The following TIAM2 variants were observed in gnomAD, a reference collection of about 807,000 sequenced individuals.
TIAM2 encodes the protein TIAM Rac1 associated GEF 2.
A neutral mutation model predicts 152.9 loss-of-function variants in TIAM2; 80 were observed. That is an observed-to-expected ratio of 0.52 (90% CI 0.44 to 0.63). The LOEUF is 0.63. Among genes scored for constraint, TIAM2 ranks in the 30% least tolerant of loss-of-function variants. The pLI is 0.00. For synonymous variants in TIAM2, 804 were observed against 838.0 expected (o/e 0.96, Z 0.70); for missense variants, 1,965 against 2,120.1 (o/e 0.93, Z 1.44).
intron 19 of TIAM2, 24 bp downstream of exon 19, chr6:155,245,755 G>GTTTTTTTTTTTTTTTTTTTGTTT (rs11435976): frequency 1.1e-6 from 1 of 920,100 alleles, no homozygotes; most frequent in Non-Finnish European, 1.5e-6. Flanking sequence ...GCCTTTTATA[G>GTTTTTTTTTTTTTTTTTTTGTTT]TTTTTTTTTT....
Position 155,130,272 on chromosome 6 carries a change from C to T in TIAM2, c.1049C>T (p.Pro350Leu), listed in dbSNP as rs1467561906. 2 of 1,614,084 alleles carry T rather than the reference C, an allele frequency of 1.2e-6. No individual in the cohort carries two copies. The highest frequency in any genetic ancestry group is 1.7e-6 in the Non-Finnish European group (2 of 1,180,050). Residue 350 changes from proline (P) to leucine (L), a missense_variant, in exon 4 of 27, where the codon CCC becomes CTC. Pro to Leu is a moderately conservative substitution (Grantham distance 98). Around this residue, in one of 3 missense-constraint regions of TIAM2, gnomAD observed 1,025 missense variants for 1,119.4 expected, o/e 0.92. Transcript: ENST00000682666. The part of the protein sequence containing the change: ...DVPSRVAHGD[P>L]IQYSSFTLPC... ...CCCTCCAGAGTGGCACACGGGGACC[C>T]CATCCAGTACAGTTCCTTCACTCTC...
At chr6:155,139,416 A>G in intron 5 of TIAM2, among the ~76,000 whole-genome samples, 1 of 152,142 alleles carries the variant, frequency 6.6e-6, no homozygotes, top group East Asian at 1.9e-4. Flanking sequence ...CCATCCCTAG[A>G]TTTGGATGCT....
At chr6:155,163,966 G>GTT (rs35722028) in intron 7 of TIAM2, among the ~76,000 whole-genome samples, 4 of 145,726 alleles carry the variant, frequency 2.7e-5, no homozygotes, top group South Asian at 2.1e-4. Context: ...AGTGCATTTT[G>GTT]TTTTTTTTTT....
intron 6 of TIAM2, among the ~76,000 whole-genome samples, chr6:155,145,088 C>G (rs960720358): frequency 2.0e-5 from 3 of 152,060 alleles, no homozygotes; most frequent in Non-Finnish European, 2.9e-5. Context: ...ATCTAGTGAG[C>G]GCAATGGTCA....
chr6:155,014,074 T>G (rs1778534256), intron 1 of TIAM2: 1 of 152,216 alleles, frequency 6.6e-6, no homozygotes, highest in East Asian at 1.9e-4. Context: ...GTTATTTTCT[T>G]TGCTTTCACA....
intron 1 of TIAM2, among the ~76,000 whole-genome samples, chr6:155,063,792 A>T (rs1777636420): frequency 6.6e-6 from 1 of 151,748 alleles, no homozygotes. Flanking sequence ...AAAAAAAAAA[A>T]AAAAAAAAAA....
chr6:155,182,027 T>A (rs1780914202), intron 12 of TIAM2, among the ~76,000 whole-genome samples, 199 bp from the exon 13 acceptor site: 1 of 152,380 alleles, frequency 6.6e-6, no homozygotes, highest in South Asian at 2.1e-4. Flanking sequence ...TATGTTTTTA[T>A]ATTTCTTAAG....
intron 2 of TIAM2, among the ~76,000 whole-genome samples, chr6:155,119,835 CACACAAGAATTTAGTTTCATGAAACAA>C (rs1381696827): frequency 6.6e-6 from 1 of 152,186 alleles, no homozygotes; most frequent in Non-Finnish European, 1.5e-5. Flanking sequence ...CACACAAGCA[CACACAAGAATTTAGTTTCATGAAACAA>C]ATTTTACTCT....
intron 1 of TIAM2, among the ~76,000 whole-genome samples, chr6:155,039,772 C>T (rs1296744881): frequency 6.6e-6 from 1 of 152,126 alleles, no homozygotes; most frequent in East Asian, 1.9e-4. Flanking sequence ...TTGTCTCTTC[C>T]TAAATAAGAG....
chr6:155,225,082 T>C (rs115809308), intron 15 of TIAM2, among the ~76,000 whole-genome samples: 2,793 of 152,260 alleles, frequency 0.018, 95 homozygotes, highest in African/African-American at 0.063. Context: ...CAGCCTCGCA[T>C]GTAGCTGGGA....
chr6:155,029,419 AT>A (rs1776748811), intron 1 of TIAM2, among the ~76,000 whole-genome samples: 1 of 79,152 alleles, frequency 1.3e-5, no homozygotes, highest in African/African-American at 5.0e-5. Context: ...AATATATACT[AT>A]ATATACTATA....
chr6:155,149,670 C>T (rs987636294), intron 7 of TIAM2, among the ~76,000 whole-genome samples: 6 of 152,010 alleles, frequency 3.9e-5, no homozygotes, highest in African/African-American at 1.4e-4. Context: ...CGCCTATAAT[C>T]CCGGCGCTTT....
intron 7 of TIAM2, among the ~76,000 whole-genome samples, 154 bp downstream of exon 7, chr6:155,148,488 AG>A (rs1484961430): frequency 6.6e-6 from 1 of 152,116 alleles, no homozygotes; most frequent in African/African-American, 2.4e-5. Context: ...TTTTCATTTT[AG>A]GTACCTAATG....
At chr6:155,096,929 C>G (rs1338765719) in intron 2 of TIAM2, among the ~76,000 whole-genome samples, 1 of 152,148 alleles carries the variant, frequency 6.6e-6, no homozygotes, top group African/African-American at 2.4e-5. Context: ...AACTCCAAAC[C>G]GTTCTCCATA....
chr6:155,050,163 A>T (rs902271455), intron 1 of TIAM2, among the ~76,000 whole-genome samples: 2 of 152,094 alleles, frequency 1.3e-5, no homozygotes, highest in African/African-American at 2.4e-5. Context: ...CAGTATTGGC[A>T]TGGGATTACT....
intron 2 of TIAM2, among the ~76,000 whole-genome samples, chr6:155,105,802 T>A (rs1342116347): frequency 6.6e-6 from 1 of 151,984 alleles, no homozygotes. Flanking sequence ...TCTTGCCACA[T>A]GTTTGTCCGG....
intron 16 of TIAM2, among the ~76,000 whole-genome samples, chr6:155,241,614 T>G (rs569887684): frequency 8.0e-4 from 122 of 152,344 alleles, no homozygotes; most frequent in African/African-American, 2.8e-3. Context: ...TTCCCCCTTT[T>G]GTTGATGTCG....
chr6:155,195,838 G>C (rs1051399099), intron 14 of TIAM2, among the ~76,000 whole-genome samples: 1 of 152,242 alleles, frequency 6.6e-6, no homozygotes, highest in Non-Finnish European at 1.5e-5. Flanking sequence ...AATCACATGT[G>C]CCCCGATGTG....
chr6:155,067,993 A>G (rs1777742328), intron 1 of TIAM2, among the ~76,000 whole-genome samples: 2 of 152,268 alleles, frequency 1.3e-5, no homozygotes, highest in South Asian at 4.2e-4. Flanking sequence ...CCACACGTAC[A>G]AGTGTTGCTA....
Sources: allele counts gnomAD v4.1 joint callset (sites outside exome capture counted in the v4.1 genomes callset), GRCh38; gene constraint gnomAD v4.1.1; regional missense constraint gnomAD v4.1.1; transcripts MANE v1.5; gene names NCBI Gene and HGNC (gene_info 2026-07-23, HGNC 2026-07-21).